The following SYNE2 variants were observed in gnomAD, a reference collection of about 807,000 sequenced individuals.
SYNE2 encodes the protein spectrin repeat containing nuclear envelope protein 2, also known as nesprin-2.
A neutral mutation model predicts 856.3 loss-of-function variants in SYNE2; 431 were observed. The observed-to-expected ratio is 0.50, with a 90% CI of 0.47 to 0.55. The LOEUF (loss-of-function observed/expected upper bound fraction) is 0.55, where lower values mean the gene tolerates loss of function less well. Ranked by LOEUF, SYNE2 falls within the 20% of genes least tolerant of loss-of-function variation. The pLI is 0.00. For missense variants in SYNE2, 8,129 were observed against 8,023.2 expected (o/e 1.01, Z -0.50); for synonymous variants, 2,923 against 2,872.3 (o/e 1.02, Z -0.56).
chr14:64,007,179 A>G lies in SYNE2; in HGVS notation c.4534A>G (p.Thr1512Ala). ...AACCGTGAATCAACAGTGCCAAAAT[A>G]CAGTAGTCTTGTGGGAGAATACCAA... ...EKTVNQQCQN[T>A]VVLWENTKAL... The change falls in exon 31 of 116, where the codon ACA becomes GCA. Residue 1512 changes from threonine to alanine, a missense_variant. Transcript: ENST00000555002. 6.2e-7 allele frequency: 1 copy of G among 1,614,208 alleles called. No homozygotes were observed. The highest frequency in any genetic ancestry group is 8.5e-7 in the Non-Finnish European group (1 of 1,180,004).
rs2096626043 is a variant in SYNE2, at chr14:63,986,412, T to C, written c.2152-44T>C. On this transcript the variant is annotated intron_variant, in intron 18 of 115. Coordinates refer to ENST00000555002, the MANE Select transcript of SYNE2 (RefSeq NM_182914.3). Reference sequence around the variant, plus strand: ...TTTGAAAAGGAAAATTATTTTGTTATGTACATGCTGACATTTTCTCAGTGG... The same window carrying C: ...TTTGAAAAGGAAAATTATTTTGTTACGTACATGCTGACATTTTCTCAGTGG... 5.0e-6 allele frequency: 8 copies of C among 1,607,592 alleles called. No individual in the cohort carries two copies. In the South Asian group the frequency reaches 6.6e-5, roughly 13 times the overall value.
chr14:63,936,759 C>T (rs1466681294), intron 2 of SYNE2, among the ~76,000 whole-genome samples: 3 of 152,174 alleles, frequency 2.0e-5, no homozygotes, highest in Non-Finnish European at 4.4e-5. Flanking sequence ...AGCAACATCA[C>T]TGCCTGCTGT....
intron 1 of SYNE2, among the ~76,000 whole-genome samples, chr14:63,884,932 A>G (rs1339268006): frequency 6.6e-6 from 1 of 152,014 alleles, no homozygotes; most frequent in Non-Finnish European, 1.5e-5. Context: ...GAGCCACCGC[A>G]CCCGGCCGCC....
intron 1 of SYNE2, among the ~76,000 whole-genome samples, chr14:63,843,948 C>T (rs748745035): frequency 1.6e-4 from 25 of 152,162 alleles, no homozygotes; most frequent in African/African-American, 2.4e-4. Context: ...CCTCCTTCCA[C>T]ACACACACTC....
intron 34 of SYNE2, 68 bp downstream of exon 34, chr14:64,017,824 T>C (rs2096905059): frequency 7.4e-6 from 11 of 1,492,382 alleles, no homozygotes; most frequent in Non-Finnish European, 1.0e-5. Context: ...TTTATGAATA[T>C]AGTCAACAAA....
chr14:64,017,025 T>G (rs865874476), intron 33 of SYNE2, among the ~76,000 whole-genome samples: 4 of 151,982 alleles, frequency 2.6e-5, no homozygotes, highest in Middle Eastern at 3.4e-3. Flanking sequence ...AAAAAAAATG[T>G]GGTTTAGAAA....
intron 57 of SYNE2, among the ~76,000 whole-genome samples, chr14:64,084,010 C>CA (rs2153615869): frequency 6.6e-6 from 1 of 152,092 alleles, no homozygotes; most frequent in African/African-American, 2.4e-5. Context: ...CCGCAACCTC[C>CA]ACCTCCCAGG....
intron 27 of SYNE2, 97 bp downstream of exon 27, chr14:63,999,137 T>G: frequency 8.5e-7 from 1 of 1,172,606 alleles, no homozygotes; most frequent in Non-Finnish European, 1.2e-6. Flanking sequence ...AGGTCACATA[T>G]GCTAAATGTT....
intron 66 of SYNE2, among the ~76,000 whole-genome samples, chr14:64,115,480 C>A (rs898440435): frequency 1.3e-5 from 2 of 152,018 alleles, no homozygotes; most frequent in East Asian, 3.9e-4. Flanking sequence ...GGTCAGAGAG[C>A]GCCGAAGGGC....
intron 6 of SYNE2, among the ~76,000 whole-genome samples, chr14:63,949,422 C>G (rs1303656565): frequency 6.6e-6 from 1 of 151,918 alleles, no homozygotes. Flanking sequence ...ATCTTTTTTT[C>G]TATGTGTACA....
intron 45 of SYNE2, among the ~76,000 whole-genome samples, chr14:64,043,040 A>C (rs1164888602): frequency 1.3e-5 from 2 of 152,210 alleles, no homozygotes; most frequent in Non-Finnish European, 2.9e-5. Flanking sequence ...AGGCTGAGGT[A>C]GTTTCAGATG....
intron 75 of SYNE2, 48 bp downstream of exon 75, chr14:64,129,949 C>A: frequency 6.2e-7 from 1 of 1,613,940 alleles, no homozygotes; most frequent in Non-Finnish European, 8.5e-7. Context: ...TTGTGAGGAG[C>A]CAGATCCTTT....
At chr14:64,098,292 G>A in intron 62 of SYNE2, 146 bp downstream of exon 62, 1 of 858,502 alleles carries the variant, frequency 1.2e-6, no homozygotes, top group Admixed American at 2.0e-5. Context: ...ACCTGAGGTT[G>A]TTTACTAGTG....
intron 65 of SYNE2, among the ~76,000 whole-genome samples, chr14:64,112,113 C>A (rs1254947711): frequency 1.3e-5 from 2 of 152,184 alleles, no homozygotes; most frequent in Non-Finnish European, 2.9e-5. Flanking sequence ...ATTCTCATGC[C>A]TGACACGTGT....
At position 64,219,259 on chromosome 14, in the gene SYNE2, T is replaced by G; in HGVS notation, c.19709T>G (p.Leu6570Arg). Residue 6570 changes from leucine (L) to arginine (R), a missense_variant, in exon 110 of 116, where the codon CTC becomes CGC. This residue lies in a region of SYNE2 where 5,410 missense variants were observed against 5,284.8 expected (regional missense o/e 1.02). Transcript: ENST00000555002. ...CAAGCACAGGAGCTTCACAATAAGC[T>G]CAAAATAAAACAAAATTTGCAACAG... ...MIQAQELHNKLKIKQNLQQLN... is the reference protein window; with the variant it reads ...MIQAQELHNKRKIKQNLQQLN... The G allele has an allele frequency of 6.2e-7, 1 of 1,613,882 alleles. No homozygotes were observed. Among genetic ancestry groups the G allele is most frequent in the Non-Finnish European group, 8.5e-7 (1 of 1,179,988 alleles).
intron 107 of SYNE2, chr14:64,215,855 C>A: frequency 1.1e-6 from 1 of 929,846 alleles, no homozygotes; most frequent in Non-Finnish European, 1.4e-6. Context: ...CATGGTGGGT[C>A]GGGGAGAGCC....
chr14:63,898,890 A>T (rs1047659561), intron 1 of SYNE2, among the ~76,000 whole-genome samples: 1 of 152,244 alleles, frequency 6.6e-6, no homozygotes, highest in African/African-American at 2.4e-5. Context: ...TTATCATCCT[A>T]ACCATTTTTA....
rs747310886 is a variant in SYNE2 at position 64,136,423 on chromosome 14, CGG to C, written c.14647-1358_14647-1357del. Among the ~76,000 whole-genome samples the C allele has an allele frequency of 1.8e-4, 26 of 145,516 alleles. 1 individual carries two copies. The highest frequency in any genetic ancestry group is 3.6e-3 in the Middle Eastern group (1 of 276). On this transcript the variant is annotated intron_variant, in intron 78 of 115. Coordinates refer to ENST00000555002, the MANE Select transcript of SYNE2 (RefSeq NM_182914.3). ...TTCTTTTAATACAGATGCTCAGACA[CGG>C]GGGGGAGGGGATTACAAATGGGAGT...
At chr14:63,957,087 C>T (rs1348232631) in intron 8 of SYNE2, among the ~76,000 whole-genome samples, 1 of 151,546 alleles carries the variant, frequency 6.6e-6, no homozygotes, top group Non-Finnish European at 1.5e-5. Flanking sequence ...CAAGGTCATC[C>T]ATGTTGTGGC....
Sources: gnomAD v4.1 joint callset for allele counts (sites outside exome capture counted in the v4.1 genomes callset) on GRCh38, gnomAD v4.1.1 for gene constraint, gnomAD v4.1.1 regional missense constraint, MANE v1.5 for transcripts, NCBI Gene and HGNC (gene_info 2026-07-23, HGNC 2026-07-21) for gene names.